The following LRP1 variants were observed in gnomAD, a reference collection of about 807,000 sequenced individuals.
The protein encoded by LRP1 is prolow-density lipoprotein receptor-related protein 1.
In LRP1, 51 loss-of-function variants were observed where a neutral mutation model predicts 541.5. The ratio of observed to expected loss-of-function variants is 0.09; its 90% confidence interval spans 0.08 to 0.12. The LOEUF (loss-of-function observed/expected upper bound fraction) is 0.12. LRP1 is among the 10% of genes least tolerant of loss of function. The probability of loss-of-function intolerance (pLI) is 1.00; values close to 1 mark genes in which losing one functional copy is unlikely to be tolerated. For missense variants in LRP1, 3,878 were observed against 6,376.2 expected, an observed-to-expected ratio of 0.61 and a Z score of 13.34; for synonymous variants, 2,219 against 2,470.8, an observed-to-expected ratio of 0.90 and a Z score of 3.02.
rs373082147 is a variant in LRP1 at position 57,206,792 on chromosome 12, C to A, written c.11859+51C>A. On this transcript the variant is annotated intron_variant, in intron 76 of 88. Coordinates refer to ENST00000243077, the MANE Select transcript of LRP1 (RefSeq NM_002332.3). This position sits in a 1 kb window ranked among gnomAD's most constrained non-coding sequence, Gnocchi z 4.7. ...GAGTGGAAGAGCTCCATAGAGCAGGCGGTTCAGAGCAGGATTTGAAAAGGG... is the reference window on the plus strand; with the variant it reads ...GAGTGGAAGAGCTCCATAGAGCAGGAGGTTCAGAGCAGGATTTGAAAAGGG... 16 of 1,583,082 alleles carry A rather than the reference C, an allele frequency of 1.0e-5. No individual in the cohort carries two copies. In the African/African-American group the frequency reaches 1.6e-4, roughly 16 times the overall value.
chr12:57,183,276 G>A lies in LRP1; in HGVS notation c.5663-103G>A, dbSNP rs779366113. On this transcript the variant is annotated intron_variant, in intron 34 of 88. Transcript: ENST00000243077. The surrounding 1 kb of genome is among the most constrained non-coding windows in gnomAD (Gnocchi z 6.1). Reference sequence around the variant, plus strand: ...TGGAGGATAGGGATGATGGTGGGGGGGGATGATATCAAAGGAGAAGCAGAG... The same window carrying A: ...TGGAGGATAGGGATGATGGTGGGGGAGGATGATATCAAAGGAGAAGCAGAG... 23 of 1,249,102 alleles carry A rather than the reference G, an allele frequency of 1.8e-5. No individual in the cohort carries two copies. Among genetic ancestry groups the A allele is most frequent in the Admixed American group, 9.8e-5 (5 of 50,968 alleles). 77.4% of individuals were successfully genotyped at this position (1,249,102 alleles called of 1,614,324 possible).
At chr12:57,196,593 A>G (rs1274016752) in intron 55 of LRP1, among the ~76,000 whole-genome samples, 1 of 152,098 alleles carries the variant, frequency 6.6e-6, no homozygotes, top group Admixed American at 6.6e-5. Flanking sequence ...ATGCTATTTG[A>G]ATCTGTGAGC....
chr12:57,142,468 T>C (rs1423334336), intron 3 of LRP1, among the ~76,000 whole-genome samples: 1 of 152,088 alleles, frequency 6.6e-6, no homozygotes, highest in Non-Finnish European at 1.5e-5. Flanking sequence ...GGAAGATTTT[T>C]CTCCCTTTCT....
At chr12:57,175,882 G>T in intron 23 of LRP1, 27 bp from the exon 24 acceptor site, 1 of 1,611,918 alleles carries the variant, frequency 6.2e-7, no homozygotes, top group Non-Finnish European at 8.5e-7. Flanking sequence ...GCCCCTTGCT[G>T]ACCCCATCAC....
chr12:57,202,594 C>A, intron 68 of LRP1, 57 bp downstream of exon 68: 1 of 1,299,778 alleles, frequency 7.7e-7, no homozygotes, highest in Non-Finnish European at 1.0e-6. Flanking sequence ...GCCCTTGTCT[C>A]GCGGCCCTCC....
intron 6 of LRP1, chr12:57,149,194 C>A: frequency 2.3e-6 from 1 of 442,934 alleles, no homozygotes; most frequent in Non-Finnish European, 4.0e-6. Flanking sequence ...TGAAAGCTAA[C>A]CATGCCCATC....
intron 20 of LRP1, 37 bp downstream of exon 20, chr12:57,169,344 G>A (rs1428113532): frequency 3.9e-6 from 6 of 1,558,340 alleles, no homozygotes; most frequent in Non-Finnish European, 5.2e-6. Context: ...GGATGAGATC[G>A]AGCCCCCTGC....
At chr12:57,172,969 G>A (rs2035975094) in intron 20 of LRP1, among the ~76,000 whole-genome samples, 199 bp from the exon 21 acceptor site, 1 of 152,210 alleles carries the variant, frequency 6.6e-6, no homozygotes, top group South Asian at 2.1e-4. Flanking sequence ...TGATTGTGGG[G>A]CCCTTGGAGG....
At position 57,182,891 on chromosome 12, in the gene LRP1, C is replaced by T. The variant is rs150128666; in HGVS notation, c.5663-488C>T. 4.3e-3 allele frequency among the ~76,000 whole-genome samples: 652 copies of T among 152,238 alleles called. 4 individuals are homozygous for T. Among genetic ancestry groups the T allele is most frequent in the Admixed American group, 5.8e-3 (88 of 15,292 alleles). ...GGATAACTGGGAATGAGACTGGCTT[C>T]GGAGTGACCTTAGGGGGTTGAGTTT... On this transcript the variant is annotated intron_variant, in intron 34 of 88. Transcript: ENST00000243077.
At position 57,128,886 on chromosome 12, in the gene LRP1, A is replaced by AC. The variant is rs911558959; in HGVS notation, c.-73dup. 67 of 1,288,064 alleles carry AC rather than the reference A, an allele frequency of 5.2e-5. No individual in the cohort carries two copies. Among genetic ancestry groups the AC allele is most frequent in the African/African-American group, 1.8e-4 (12 of 66,838 alleles). The allele number at this position is 1,288,064 out of a possible 1,614,324, so 79.8% of individuals were successfully genotyped here. ...GGAGGGGGAAAGGAGGAAAAGGGGG[A>AC]CCCCCCAACTGGGGGGGGTGAAGGA... On this transcript the variant is annotated 5_prime_UTR_variant, in exon 1 of 89. Transcript: ENST00000243077.
In LRP1 at chr12:57,212,076, C is replaced by A. The variant is rs1403214874; in HGVS notation, c.13350-41C>A. 1.9e-6 allele frequency: 3 copies of A among 1,613,170 alleles called. No homozygotes were observed. Among genetic ancestry groups the A allele is most frequent in the Admixed American group, 1.7e-5 (1 of 60,006 alleles). ...TTATTTTGCCATCCTAGCCTTCCCC[C>A]CCAATAATCTCTGTCTCCTTATACT... On this transcript the variant is annotated intron_variant, in intron 87 of 88. Coordinates refer to ENST00000243077, the MANE Select transcript of LRP1 (RefSeq NM_002332.3). This position sits in a 1 kb window ranked among gnomAD's most constrained non-coding sequence, Gnocchi z 5.0.
intron 62 of LRP1, 124 bp downstream of exon 62, chr12:57,200,149 C>A: frequency 1.2e-6 from 1 of 821,452 alleles, no homozygotes; most frequent in South Asian, 1.8e-5. Flanking sequence ...CTAACACCCC[C>A]ACATTTCTTG....
intron 24 of LRP1, 128 bp from the exon 25 acceptor site, chr12:57,176,913 T>C: frequency 9.5e-6 from 7 of 738,446 alleles, no homozygotes; most frequent in South Asian, 3.3e-5. Context: ...CTCTTGAATA[T>C]GGGCACATCA....
In LRP1 at chr12:57,197,341, G is replaced by A. The variant is rs1041071219; in HGVS notation, c.9119G>A (p.Arg3040His). ...ATCTTCGCCAACCGGTACTACCTGC[G>A]CAAGCTCAACCTGGACGGGTCCAAC... Reference protein sequence around the residue: ...FLIFANRYYLRKLNLDGSNYT... With the variant: ...FLIFANRYYLHKLNLDGSNYT... The change falls in exon 57 of 89, where the codon CGC becomes CAC. Residue 3040 changes from arginine to histidine, a missense_variant. Transcript: ENST00000243077. The surrounding 1 kb of genome is among the most constrained non-coding windows in gnomAD (Gnocchi z 4.5). 4.3e-6 allele frequency: 7 copies of A among 1,613,902 alleles called. No homozygotes were observed. The highest frequency in any genetic ancestry group is 1.7e-5 in the Admixed American group (1 of 59,982).
At chr12:57,149,791 T>TGAG in intron 6 of LRP1, 2 of 704,674 alleles carry the variant, frequency 2.8e-6, no homozygotes, top group Non-Finnish European at 5.2e-6. Context: ...ACAAGGAGCA[T>TGAG]GAGGCCACAT....
Position 57,145,507 on chromosome 12 carries a change from C to A in LRP1, c.841+17C>A. 6.2e-7 allele frequency: 1 copy of A among 1,610,168 alleles called. No individual in the cohort carries two copies. The highest frequency in any genetic ancestry group is 8.5e-7 in the Non-Finnish European group (1 of 1,178,292). ...GTCTGCACCGTGAGTCACCTGCTCT[C>A]AGCTTGGAGGGCTGGGGAGGGTAGG... On this transcript the variant is annotated intron_variant, in intron 6 of 88. Transcript: ENST00000243077.
In LRP1 at chr12:57,194,649, C is replaced by T. The variant is rs141905136; in HGVS notation, c.8141C>T (p.Thr2714Met). ...GGGCGCTGCATCCCCATGAGCTGGA[C>T]GTGTGACAAAGAGGATGACTGTGAA... Reference protein sequence around the residue: ...PSGRCIPMSWTCDKEDDCEHG... With the variant: ...PSGRCIPMSWMCDKEDDCEHG... Residue 2714 changes from threonine (T) to methionine (M), a missense_variant, in exon 50 of 89, where the codon ACG becomes ATG. Physicochemically the swap from Thr to Met is moderately conservative, Grantham distance 81. This residue lies in a region of LRP1 where 1,100 missense variants were observed against 1,827.4 expected (regional missense o/e 0.60). Transcript: ENST00000243077. 281 of 1,602,404 alleles carry T rather than the reference C, an allele frequency of 1.8e-4. No homozygotes were observed. The highest frequency in any genetic ancestry group is 1.7e-4 in the Middle Eastern group (1 of 6,016).
At chr12:57,172,616 A>G (rs1211044267) in intron 20 of LRP1, among the ~76,000 whole-genome samples, 5 of 152,144 alleles carry the variant, frequency 3.3e-5, no homozygotes, top group South Asian at 2.1e-4. Context: ...CCTTCTGCCC[A>G]GAGGTCTTCC....
intron 6 of LRP1, chr12:57,149,373 C>G (rs1051466134): frequency 5.8e-6 from 3 of 515,752 alleles, no homozygotes; most frequent in African/African-American, 5.8e-5. Context: ...TCTCCTGGCC[C>G]GGGCCAGCCC....
Sources: allele counts gnomAD v4.1 joint callset (sites outside exome capture counted in the v4.1 genomes callset), GRCh38; gene constraint gnomAD v4.1.1; regional missense constraint gnomAD v4.1.1; non-coding constraint Gnocchi (gnomAD v3.1); transcripts MANE v1.5; gene names NCBI Gene and HGNC (gene_info 2026-07-23, HGNC 2026-07-21).